The following GOLM1 variants were observed in gnomAD, a reference collection of about 807,000 sequenced individuals.
GOLM1 encodes epididymis luminal protein 46.
Under a neutral mutation model 50.5 loss-of-function variants are expected in GOLM1, and 31 were observed. That is an observed-to-expected ratio of 0.61 (90% CI 0.46 to 0.83). The LOEUF is 0.83. Ranked by LOEUF, GOLM1 falls within the 40% of genes least tolerant of loss-of-function variation. The probability of loss-of-function intolerance (pLI) is 0.00; values close to 1 mark genes in which losing one functional copy is unlikely to be tolerated. For missense variants in GOLM1, 491 were observed against 501.3 expected (o/e 0.98, Z 0.20); for synonymous variants, 178 against 192.8 (o/e 0.92, Z 0.64).
rs146069882 is a variant in GOLM1 at position 86,046,060 on chromosome 9, T to C, written c.467+410A>G. 1.7e-3 allele frequency among the ~76,000 whole-genome samples: 261 copies of C among 152,324 alleles called. 1 individual carries two copies. Among genetic ancestry groups the C allele is most frequent in the African/African-American group, 5.6e-3 (232 of 41,596 alleles). On this transcript the variant is annotated intron_variant, in intron 5 of 9. Coordinates refer to ENST00000388712, the MANE Select transcript of GOLM1 (RefSeq NM_016548.4). ...TCACTGTAAAAATTGGGAAAATCAC[T>C]GAAAAGTCTGAAGAAAACAATGTCC...
intron 3 of GOLM1, among the ~76,000 whole-genome samples, chr9:86,063,370 C>G (rs1448065662): frequency 6.6e-6 from 1 of 152,210 alleles, no homozygotes; most frequent in Non-Finnish European, 1.5e-5. Context: ...AAACGGGAAT[C>G]CTAGCAGCTT....
intron 6 of GOLM1, 99 bp downstream of exon 6, chr9:86,040,640 G>A (rs1833311729): frequency 6.0e-6 from 7 of 1,158,742 alleles, no homozygotes; most frequent in Admixed American, 2.1e-5. Context: ...CCGCAAAGGA[G>A]GGCAGAATCC....
chr9:86,029,964 C>G (rs1344282388), intron 9 of GOLM1, among the ~76,000 whole-genome samples: 1 of 152,156 alleles, frequency 6.6e-6, no homozygotes, highest in East Asian at 1.9e-4. Flanking sequence ...GTAATCCCAA[C>G]ACTTTGGGAG....
At chr9:86,064,808 G>A (rs574407240) in intron 3 of GOLM1, among the ~76,000 whole-genome samples, 10 of 152,324 alleles carry the variant, frequency 6.6e-5, no homozygotes, top group Middle Eastern at 3.4e-3. Flanking sequence ...CCCTTGAGCC[G>A]CCTGCCTGGT....
At chr9:86,094,951 T>C (rs1266683117) in intron 1 of GOLM1, among the ~76,000 whole-genome samples, 1 of 151,436 alleles carries the variant, frequency 6.6e-6, no homozygotes, top group African/African-American at 2.4e-5. Context: ...GGCGTGGTGG[T>C]GCATGCCTGT....
In GOLM1 at chr9:86,026,217, T is replaced by C. The variant is rs1832775955; in HGVS notation, c.*1600A>G. On this transcript the variant is annotated 3_prime_UTR_variant, in exon 10 of 10. Transcript: ENST00000388712. ...ATTAAACATGAGATGAATAGAGACTTTATTGAGAAAGCAAGAGAAAATTCC... is the reference window on the plus strand; with the variant it reads ...ATTAAACATGAGATGAATAGAGACTCTATTGAGAAAGCAAGAGAAAATTCC... 1 of 982,074 alleles carries C rather than the reference T, an allele frequency of 1.0e-6. No homozygotes were observed. Among genetic ancestry groups the C allele is most frequent in the African/African-American group, 1.7e-5 (1 of 57,230 alleles). 60.8% of individuals were successfully genotyped at this position (982,074 alleles called of 1,614,324 possible).
At chr9:86,036,790 G>A in intron 6 of GOLM1, 1 of 403,996 alleles carries the variant, frequency 2.5e-6, no homozygotes, top group Non-Finnish European at 4.4e-6. Context: ...AAAATACCTA[G>A]GCGGAAGATC....
At chr9:86,052,724 C>A (rs1833797609) in intron 3 of GOLM1, 133 bp from the exon 4 acceptor site, 6 of 699,214 alleles carry the variant, frequency 8.6e-6, no homozygotes, top group Non-Finnish European at 1.5e-5. Flanking sequence ...GCACTCAGCG[C>A]TCAGGCTGGG....
intron 4 of GOLM1, among the ~76,000 whole-genome samples, chr9:86,051,917 T>C (rs149564591): frequency 0.013 from 2,031 of 152,218 alleles, 43 homozygotes; most frequent in African/African-American, 0.045. Context: ...GCAAGTCATA[T>C]AAGGAATTTT....
intron 1 of GOLM1, among the ~76,000 whole-genome samples, chr9:86,090,800 A>C (rs974196085): frequency 1.5e-4 from 23 of 151,158 alleles, no homozygotes; most frequent in Non-Finnish European, 1.0e-4. Flanking sequence ...AAAAAAAAAA[A>C]AAAAAAAAAA....
At chr9:86,087,410 C>A (rs1188438211) in intron 1 of GOLM1, among the ~76,000 whole-genome samples, 2 of 152,180 alleles carry the variant, frequency 1.3e-5, no homozygotes, top group African/African-American at 4.8e-5. Flanking sequence ...ATATGACTTC[C>A]TCTCTTCCTA....
chr9:86,056,680 T>A (rs1248882703), intron 3 of GOLM1, among the ~76,000 whole-genome samples: 1 of 151,800 alleles, frequency 6.6e-6, no homozygotes, highest in African/African-American at 2.4e-5. Context: ...TAATTTTTTT[T>A]ATTTTAGTAG....
At chr9:86,083,133 G>A (rs1036252526) in intron 1 of GOLM1, among the ~76,000 whole-genome samples, 10 of 152,174 alleles carry the variant, frequency 6.6e-5, no homozygotes, top group Admixed American at 5.2e-4. Flanking sequence ...AGTATTCACT[G>A]GGGATTGGTT....
chr9:86,079,133 TAACAA>T, intron 2 of GOLM1, 54 bp downstream of exon 2: 1 of 1,418,124 alleles, frequency 7.1e-7, no homozygotes, highest in Non-Finnish European at 9.4e-7. Context: ...GACCCCATCA[TAACAA>T]AATAAACAAA....
intron 1 of GOLM1, chr9:86,079,692 T>A (rs1057056747): frequency 1.1e-5 from 2 of 184,522 alleles, no homozygotes; most frequent in Non-Finnish European, 2.2e-5. Flanking sequence ...CTTCCCGGCA[T>A]AGTTTGAGAA....
At chr9:86,040,904 CTA>C (rs1220905386) in intron 5 of GOLM1, 36 bp from the exon 6 acceptor site, 1 of 1,605,372 alleles carries the variant, frequency 6.2e-7, no homozygotes, top group South Asian at 1.1e-5. Context: ...GGCCTGACGT[CTA>C]TGACTGTGTC....
At chr9:86,028,013 C>A in intron 9 of GOLM1, 120 bp from the exon 10 acceptor site, 1 of 619,512 alleles carries the variant, frequency 1.6e-6, no homozygotes, top group Non-Finnish European at 2.8e-6. Flanking sequence ...TCTCCCACAG[C>A]AACACTGTAA....
intron 1 of GOLM1, among the ~76,000 whole-genome samples, chr9:86,088,420 G>GTATATA (rs71505775): frequency 0.015 from 1,285 of 86,056 alleles, 32 homozygotes; most frequent in African/African-American, 0.044. Flanking sequence ...TTTGAAGGGT[G>GTATATA]TATATATATA....
At chr9:86,079,547 G>T (rs1016010495) in intron 1 of GOLM1, 33 of 401,806 alleles carry the variant, frequency 8.2e-5, no homozygotes, top group African/African-American at 6.5e-4. Context: ...AGGGCAGTGT[G>T]GCCAGTTCCC....
Sources: gnomAD v4.1 joint callset for allele counts (sites outside exome capture counted in the v4.1 genomes callset) on GRCh38, gnomAD v4.1.1 for gene constraint, MANE v1.5 for transcripts, NCBI Gene and HGNC (gene_info 2026-07-23, HGNC 2026-07-21) for gene names.